Variants in APBB2 observed in about 807,000 individuals in gnomAD.
The protein encoded by APBB2 is Fe65-like 1.
A neutral mutation model predicts 82.5 loss-of-function variants in APBB2; 38 were observed. That is an observed-to-expected ratio of 0.46 (90% confidence interval 0.36 to 0.60). The LOEUF (loss-of-function observed/expected upper bound fraction) is 0.60. APBB2 is among the 20% of genes least tolerant of loss of function. The probability of loss-of-function intolerance (pLI) is 0.00; values close to 1 mark genes in which losing one functional copy is unlikely to be tolerated. For missense variants in APBB2, 772 were observed against 972.3 expected, an observed-to-expected ratio of 0.79 and a Z score of 2.74; for synonymous variants, 341 against 368.2, an observed-to-expected ratio of 0.93 and a Z score of 0.85.
chr4:41,111,555 C>T (rs1166421012), intron 2 of APBB2, among the ~76,000 whole-genome samples: 2 of 152,120 alleles, frequency 1.3e-5, no homozygotes, highest in African/African-American at 4.8e-5. Context: ...AATGTTAATG[C>T]TAGTTGTCTC....
chr4:41,048,142 C>A (rs1355086185), intron 4 of APBB2, among the ~76,000 whole-genome samples: 1 of 152,194 alleles, frequency 6.6e-6, no homozygotes, highest in Non-Finnish European at 1.5e-5. Flanking sequence ...TTAATGATAA[C>A]ACCAGTTGAG....
At chr4:41,149,292 T>A (rs890286081) in intron 1 of APBB2, among the ~76,000 whole-genome samples, 2 of 152,122 alleles carry the variant, frequency 1.3e-5, no homozygotes, top group Non-Finnish European at 2.9e-5. Flanking sequence ...TAAAAAAAAA[T>A]TAAATTATTT....
In APBB2 at chr4:40,826,373, G is replaced by C. The variant is rs927428634; in HGVS notation, c.1733-403C>G. Among the ~76,000 whole-genome samples the C allele has an allele frequency of 2.1e-5, 3 of 146,076 alleles. No homozygotes were observed. Among genetic ancestry groups the C allele is most frequent in the Admixed American group, 2.0e-4 (3 of 14,642 alleles). ...TGAGTTCCCCCAGTAATCAACCCAC[G>C]TTTTTTTTTTTTTAGAGACAAGAGT... On this transcript the variant is annotated intron_variant, in intron 14 of 17. Coordinates refer to ENST00000508593, the MANE Select transcript of APBB2 (RefSeq NM_004307.2). The surrounding 1 kb of genome is among the most constrained non-coding windows in gnomAD (Gnocchi z 4.5).
chr4:40,961,652 G>T (rs1468268599), intron 6 of APBB2, among the ~76,000 whole-genome samples: 1 of 42,718 alleles, frequency 2.3e-5, no homozygotes, highest in Admixed American at 2.7e-4. Context: ...AATAATGAAA[G>T]AAAAAAAAAA....
At chr4:41,134,383 T>G (rs903593040) in intron 2 of APBB2, among the ~76,000 whole-genome samples, 23 of 152,024 alleles carry the variant, frequency 1.5e-4, no homozygotes, top group Non-Finnish European at 2.6e-4. Context: ...ATGGAGACCA[T>G]CCTGGCTAAC....
chr4:41,116,110 T>C (rs1269269747), intron 2 of APBB2, among the ~76,000 whole-genome samples: 1 of 152,220 alleles, frequency 6.6e-6, no homozygotes, highest in Admixed American at 6.5e-5. Flanking sequence ...GTGGCACATA[T>C]ACACCATGGA....
At chr4:40,853,948 T>C (rs1054508483) in intron 12 of APBB2, among the ~76,000 whole-genome samples, 3 of 152,162 alleles carry the variant, frequency 2.0e-5, no homozygotes, top group African/African-American at 7.2e-5. Context: ...CTTCCTGAAT[T>C]GTTTTTCCGG....
At chr4:40,965,064 G>A (rs1317669547) in intron 6 of APBB2, among the ~76,000 whole-genome samples, 1 of 151,678 alleles carries the variant, frequency 6.6e-6, no homozygotes, top group Non-Finnish European at 1.5e-5. Context: ...AGGTTGCAGT[G>A]AGATGATATC....
chr4:41,204,805 G>C (rs1561033137), intron 1 of APBB2, among the ~76,000 whole-genome samples: 1 of 152,190 alleles, frequency 6.6e-6, no homozygotes, highest in Non-Finnish European at 1.5e-5. Context: ...GGGGAGAGAT[G>C]ACTGTGTCAT....
Position 40,885,966 on chromosome 4 carries a change from A to T in APBB2, c.1529+4398T>A, listed in dbSNP as rs116197177. On this transcript the variant is annotated intron_variant, in intron 12 of 17. Transcript: ENST00000508593. ...TTTTCTCAAGGGAAAACCGTGGATT[A>T]ATCACTGATAGGGAAGCCTCTTGGA... 9.3e-3 allele frequency among the ~76,000 whole-genome samples: 1,420 copies of T among 152,222 alleles called. 24 individuals carry two copies. Among genetic ancestry groups the T allele is most frequent in the African/African-American group, 0.032 (1,343 of 41,526 alleles).
Position 41,127,762 on chromosome 4 carries a change from C to T in APBB2, c.-261+15225G>A, listed in dbSNP as rs1483146559. Among the ~76,000 whole-genome samples, 1 of 152,092 alleles carries T rather than the reference C, an allele frequency of 6.6e-6. No homozygotes were observed. Among genetic ancestry groups the T allele is most frequent in the Non-Finnish European group, 1.5e-5 (1 of 68,018 alleles). On this transcript the variant is annotated intron_variant, in intron 2 of 17. Coordinates refer to ENST00000508593, the MANE Select transcript of APBB2 (RefSeq NM_004307.2). The surrounding 1 kb of genome is among the most constrained non-coding windows in gnomAD (Gnocchi z 4.8). ...TTGGGAGGCCGAGGTGGGTGGATTA[C>T]CTGAGGTCAGGAGTTCGAGACCAGC...
intron 3 of APBB2, among the ~76,000 whole-genome samples, chr4:41,091,473 T>A (rs1741672149): frequency 6.6e-6 from 1 of 152,212 alleles, no homozygotes; most frequent in South Asian, 2.1e-4. Context: ...TTTTTACATC[T>A]TGAAAAACTT....
In APBB2 at chr4:41,201,362, G is replaced by A. The variant is rs950954722; in HGVS notation, c.-417+13043C>T. Among the ~76,000 whole-genome samples the A allele has an allele frequency of 6.6e-5, 10 of 152,278 alleles. No individual in the cohort carries two copies. The South Asian group carries it at 2.1e-3, about 32-fold the overall frequency. Reference sequence around the variant, plus strand: ...GAATAAAAACCCAAACCATGTAGTTGAATAAAAAGCATTTTAAACCTACAA... The same window carrying A: ...GAATAAAAACCCAAACCATGTAGTTAAATAAAAAGCATTTTAAACCTACAA... On this transcript the variant is annotated intron_variant, in intron 1 of 17. Transcript: ENST00000508593.
intron 3 of APBB2, among the ~76,000 whole-genome samples, chr4:41,070,134 A>C (rs1733286558): frequency 6.6e-6 from 1 of 152,160 alleles, no homozygotes; most frequent in Non-Finnish European, 1.5e-5. Context: ...CTGGGGCAGT[A>C]AGATAAATAG....
At chr4:40,829,554 G>A (rs1400037694) in intron 13 of APBB2, among the ~76,000 whole-genome samples, 1 of 152,222 alleles carries the variant, frequency 6.6e-6, no homozygotes, top group Non-Finnish European at 1.5e-5. Flanking sequence ...TCTCCAGTCA[G>A]TACCTGGAAG....
At chr4:41,189,232 T>C (rs1773754565) in intron 1 of APBB2, among the ~76,000 whole-genome samples, 1 of 152,148 alleles carries the variant, frequency 6.6e-6, no homozygotes, top group East Asian at 1.9e-4. Flanking sequence ...ACAACGTGGA[T>C]GGTTGCACAG....
intron 12 of APBB2, among the ~76,000 whole-genome samples, chr4:40,885,481 C>T (rs941240446): frequency 1.3e-5 from 2 of 152,076 alleles, no homozygotes; most frequent in Admixed American, 6.6e-5. Flanking sequence ...TGTGACTGTC[C>T]CAGGTGTGCC....
chr4:41,035,841 TGTATTAA>T (rs951188161), intron 4 of APBB2, among the ~76,000 whole-genome samples: 81 of 152,288 alleles, frequency 5.3e-4, no homozygotes, highest in African/African-American at 1.8e-3. Flanking sequence ...GCATTTATAT[TGTATTAA>T]GTATTATCAG....
intron 1 of APBB2, among the ~76,000 whole-genome samples, chr4:41,148,341 A>T (rs1761353896): frequency 6.6e-6 from 1 of 152,244 alleles, no homozygotes; most frequent in Admixed American, 6.5e-5. Context: ...CAGGTCTGCT[A>T]CTTATGACCC....
Sources: allele counts gnomAD v4.1 joint callset (sites outside exome capture counted in the v4.1 genomes callset), GRCh38; gene constraint gnomAD v4.1.1; non-coding constraint Gnocchi (gnomAD v3.1); transcripts MANE v1.5; gene names NCBI Gene and HGNC (gene_info 2026-07-23, HGNC 2026-07-21).